The following ADAMTS2 variants were observed in gnomAD, a reference collection of about 807,000 sequenced individuals.
The protein encoded by ADAMTS2 is A disintegrin and metalloproteinase with thrombospondin motifs 2.
Under a neutral mutation model 123.0 loss-of-function variants are expected in ADAMTS2, and 50 were observed. The ratio of observed to expected loss-of-function variants is 0.41; its 90% CI spans 0.32 to 0.51. ADAMTS2 has a LOEUF of 0.51. Ranked by LOEUF, ADAMTS2 falls within the 20% of genes least tolerant of loss-of-function variation. The probability of loss-of-function intolerance (pLI) is 0.35; values close to 1 mark genes in which losing one functional copy is unlikely to be tolerated. For synonymous variants in ADAMTS2, 678 were observed against 695.4 expected (o/e 0.98, Z 0.39); for missense variants, 1,494 against 1,705.2 (o/e 0.88, Z 2.18).
rs79201876 is a variant in ADAMTS2 at position 179,275,779 on chromosome 5, G to A, written c.535-2715C>T. On this transcript the variant is annotated intron_variant, in intron 2 of 21. Coordinates refer to ENST00000251582, the MANE Select transcript of ADAMTS2 (RefSeq NM_014244.5). ...GGGTCAGGTTATACCGACTTCGGAC[G>A]TCCGGCCTCAGAACTGTGAGAGAAC... Among the ~76,000 whole-genome samples, 1,036 of 152,344 alleles carry A rather than the reference G, an allele frequency of 6.8e-3. 3 individuals are homozygous for A. Among genetic ancestry groups the A allele is most frequent in the African/African-American group, 0.024 (992 of 41,580 alleles).
In ADAMTS2 at chr5:179,202,635, C is replaced by T. The variant is rs1454283635; in HGVS notation, c.891+4878G>A. On this transcript the variant is annotated intron_variant, in intron 4 of 21. Transcript: ENST00000251582. The surrounding 1 kb of genome is among the most constrained non-coding windows in gnomAD (Gnocchi z 4.0). Reference sequence around the variant, plus strand: ...TAAACACCGGCCCCCGTATGAACGGCAGCCAGGGGCACCAGACAGAGGAGG... The same window carrying T: ...TAAACACCGGCCCCCGTATGAACGGTAGCCAGGGGCACCAGACAGAGGAGG... Among the ~76,000 whole-genome samples the T allele has an allele frequency of 6.6e-6, 1 of 152,116 alleles. No individual in the cohort carries two copies. The highest frequency in any genetic ancestry group is 1.5e-5 in the Non-Finnish European group (1 of 68,030).
intron 4 of ADAMTS2, among the ~76,000 whole-genome samples, chr5:179,191,600 G>T (rs1306732542): frequency 7.3e-6 from 1 of 137,320 alleles, no homozygotes; most frequent in East Asian, 2.6e-4. Flanking sequence ...CAGGGGACAG[G>T]AACGGTGTGG....
In ADAMTS2 at chr5:179,185,692, G is replaced by A. The variant is rs1259534889; in HGVS notation, c.892-4537C>T. Among the ~76,000 whole-genome samples the A allele has an allele frequency of 2.0e-5, 3 of 151,976 alleles. No homozygotes were observed. Among genetic ancestry groups the A allele is most frequent in the Non-Finnish European group, 4.4e-5 (3 of 68,002 alleles). ...CGTCAGCCTCACATTCTGCTTGGAG[G>A]TGGGGTCGAGGCAGCTGAGCCCTGG... On this transcript the variant is annotated intron_variant, in intron 4 of 21. Transcript: ENST00000251582. This position sits in a 1 kb window ranked among gnomAD's most constrained non-coding sequence, Gnocchi z 5.9.
At position 179,225,983 on chromosome 5, in the gene ADAMTS2, G is replaced by A. The variant is rs567464360; in HGVS notation, c.689-18268C>T. Among the ~76,000 whole-genome samples, 1 of 152,280 alleles carries A rather than the reference G, an allele frequency of 6.6e-6. No individual in the cohort carries two copies. Among genetic ancestry groups the A allele is most frequent in the South Asian group, 2.1e-4 (1 of 4,812 alleles). ...GCACACGCCCACTGGGGCTTCAGGG[G>A]CTGCAAACATTCACCCCTAGACACT... On this transcript the variant is annotated intron_variant, in intron 3 of 21. Transcript: ENST00000251582. The surrounding 1 kb of genome is among the most constrained non-coding windows in gnomAD (Gnocchi z 4.5).
intron 2 of ADAMTS2, among the ~76,000 whole-genome samples, chr5:179,315,250 A>AAGCACTGAGGCCACAGTTGGCTTCTGGAG: frequency 6.6e-6 from 1 of 152,040 alleles, no homozygotes; most frequent in East Asian, 1.9e-4. Flanking sequence ...GGCTTCTGGA[A>AAGCACTGAGGCCACAGTTGGCTTCTGGAG]AGCACTGAGG....
At chr5:179,252,256 C>T (rs557855068) in intron 3 of ADAMTS2, among the ~76,000 whole-genome samples, 6 of 152,142 alleles carry the variant, frequency 3.9e-5, no homozygotes, top group South Asian at 2.1e-4. Context: ...GTGATCCATC[C>T]GCCTCAGACT....
At position 179,223,538 on chromosome 5, in the gene ADAMTS2, A is replaced by ACACGAATGCACT. The variant is rs1387851642; in HGVS notation, c.689-15824_689-15823insAGTGCATTCGTG. Among the ~76,000 whole-genome samples the ACACGAATGCACT allele has an allele frequency of 1.1e-4, 4 of 37,784 alleles. No individual in the cohort carries two copies. In the Admixed American group the frequency reaches 1.1e-3, roughly 10 times the overall value. The allele number at this position is 37,784 out of a possible 152,430, so 24.8% of individuals were successfully genotyped here. A position where few individuals can be genotyped will look rare whatever the true frequency, so the allele number is the denominator to read the frequency against. ...AATGCACTCACACACATGCACTCAC[A>ACACGAATGCACT]CTCACACGAATGCACTCACACACAC... On this transcript the variant is annotated intron_variant, in intron 3 of 21. Coordinates refer to ENST00000251582, the MANE Select transcript of ADAMTS2 (RefSeq NM_014244.5).
intron 2 of ADAMTS2, among the ~76,000 whole-genome samples, chr5:179,274,502 C>G (rs1390384823): frequency 2.0e-5 from 3 of 152,218 alleles, no homozygotes; most frequent in Non-Finnish European, 4.4e-5. Flanking sequence ...TGGTGGGCAG[C>G]CCCCGGCACC....
At chr5:179,249,941 A>G (rs1331694693) in intron 3 of ADAMTS2, among the ~76,000 whole-genome samples, 2 of 152,240 alleles carry the variant, frequency 1.3e-5, no homozygotes, top group Non-Finnish European at 2.9e-5. Context: ...AAAATCCTCA[A>G]TGATATTCTA....
In ADAMTS2 at chr5:179,113,501, C is replaced by A. The variant is rs570276494; in HGVS notation, c.*366G>T. 2.6e-5 allele frequency: 8 copies of A among 312,800 alleles called. No homozygotes were observed. The highest frequency in any genetic ancestry group is 1.3e-4 in the African/African-American group (6 of 46,988). 19.4% of individuals were successfully genotyped at this position (312,800 alleles called of 1,614,324 possible). A position where few individuals can be genotyped will look rare whatever the true frequency, so the allele number is the denominator to read the frequency against. On this transcript the variant is annotated 3_prime_UTR_variant, in exon 22 of 22. Coordinates refer to ENST00000251582, the MANE Select transcript of ADAMTS2 (RefSeq NM_014244.5). ...CTGGGGATCGGTAGGGAATGTCATG[C>A]ATCTCCGCCAAGGAAAGGAAGGTTC...
intron 2 of ADAMTS2, among the ~76,000 whole-genome samples, chr5:179,321,547 C>T (rs902080722): frequency 2.6e-5 from 4 of 152,190 alleles, no homozygotes; most frequent in Non-Finnish European, 5.9e-5. Context: ...TCCTAAGACT[C>T]CACTGCCTCC....
In ADAMTS2 at chr5:179,266,282, G is replaced by C. The variant is rs1766368167; in HGVS notation, c.688+6629C>G. Among the ~76,000 whole-genome samples, 4 of 152,242 alleles carry C rather than the reference G, an allele frequency of 2.6e-5. No individual in the cohort carries two copies. In the South Asian group the frequency reaches 8.3e-4, roughly 32 times the overall value. Reference sequence around the variant, plus strand: ...GTGAGCATTACCTTATATGGCAGAAGAGACTTTGCAAATGTGTTTAAATCA... The same window carrying C: ...GTGAGCATTACCTTATATGGCAGAACAGACTTTGCAAATGTGTTTAAATCA... On this transcript the variant is annotated intron_variant, in intron 3 of 21. Coordinates refer to ENST00000251582, the MANE Select transcript of ADAMTS2 (RefSeq NM_014244.5).
chr5:179,272,684 C>T lies in ADAMTS2; in HGVS notation c.688+227G>A, dbSNP rs550162539. Among the ~76,000 whole-genome samples, 8 of 152,318 alleles carry T rather than the reference C, an allele frequency of 5.3e-5. No individual in the cohort carries two copies. In the East Asian group the frequency reaches 1.5e-3, roughly 30 times the overall value. On this transcript the variant is annotated intron_variant, in intron 3 of 21. Coordinates refer to ENST00000251582, the MANE Select transcript of ADAMTS2 (RefSeq NM_014244.5). The surrounding 1 kb of genome is among the most constrained non-coding windows in gnomAD (Gnocchi z 5.8). ...AGACATGAAGGCAGAGGTGTCTGGG[C>T]TGCTTGTCACCCACATGCACCCAGA...
rs1353664727 is a variant in ADAMTS2 at position 179,112,578 on chromosome 5, G to T, written c.*1289C>A. 6.6e-6 allele frequency: 1 copy of T among 152,210 alleles called. No individual in the cohort carries two copies. The highest frequency in any genetic ancestry group is 2.4e-5 in the African/African-American group (1 of 41,460). 9.4% of individuals were successfully genotyped at this position (152,210 alleles called of 1,614,324 possible). On this transcript the variant is annotated 3_prime_UTR_variant, in exon 22 of 22. Transcript: ENST00000251582. ...AAGCCCCCATCAGAGGCCACATTTT[G>T]CAGGTCACTGCTGGGTTCTGGAGCT... is the stretch of plus-strand genomic sequence containing the variant.
At chr5:179,341,797 C>T (rs1013645727) in intron 2 of ADAMTS2, among the ~76,000 whole-genome samples, 7 of 152,146 alleles carry the variant, frequency 4.6e-5, no homozygotes, top group Non-Finnish European at 1.0e-4. Flanking sequence ...CATTCAATGC[C>T]GCTCAGGCAG....
In ADAMTS2 at chr5:179,255,889, G is replaced by C. The variant is rs1014360134; in HGVS notation, c.688+17022C>G. 3.9e-5 allele frequency among the ~76,000 whole-genome samples: 6 copies of C among 152,268 alleles called. No homozygotes were observed. The East Asian group carries it at 1.2e-3, about 29-fold the overall frequency. ...GCCCTGGAGTGTGTGACACAATTCG[G>C]GCACTGTGACCCTACTGGACCCCTT... On this transcript the variant is annotated intron_variant, in intron 3 of 21. Transcript: ENST00000251582.
intron 3 of ADAMTS2, among the ~76,000 whole-genome samples, chr5:179,217,197 G>C (rs1765002522): frequency 6.6e-6 from 1 of 152,248 alleles, no homozygotes; most frequent in African/African-American, 2.4e-5. Context: ...ACCAAGGTTA[G>C]AAGTTTGATA....
intron 10 of ADAMTS2, among the ~76,000 whole-genome samples, chr5:179,150,302 C>T (rs1308338540): frequency 1.3e-5 from 2 of 152,204 alleles, no homozygotes; most frequent in East Asian, 1.9e-4. Flanking sequence ...TGTTCTGCCC[C>T]GCTCCTTCTG....
At chr5:179,258,497 G>A (rs559715066) in intron 3 of ADAMTS2, among the ~76,000 whole-genome samples, 7 of 152,246 alleles carry the variant, frequency 4.6e-5, no homozygotes, top group East Asian at 3.9e-4. Context: ...CTCCTGCCAC[G>A]TGAATTGTCA....
Sources: gnomAD v4.1 joint callset for allele counts (sites outside exome capture counted in the v4.1 genomes callset) on GRCh38, gnomAD v4.1.1 for gene constraint, Gnocchi (gnomAD v3.1) non-coding constraint, MANE v1.5 for transcripts, NCBI Gene and HGNC (gene_info 2026-07-23, HGNC 2026-07-21) for gene names.